The following CARD8 variants were observed in gnomAD, a reference collection of about 807,000 sequenced individuals.
The protein encoded by CARD8 is caspase recruitment domain-containing protein 8.
In CARD8, 38 loss-of-function variants were observed where a neutral mutation model predicts 53.2. The observed-to-expected ratio is 0.71, with a 90% CI of 0.55 to 0.94. The LOEUF (loss-of-function observed/expected upper bound fraction) is 0.94. Among genes scored for constraint, CARD8 ranks in the 40% least tolerant of loss-of-function variants. The pLI, the probability that CARD8 is intolerant of heterozygous loss-of-function variation, is 0.00. For missense variants in CARD8, 561 were observed against 655.5 expected (o/e 0.86, Z 1.57); for synonymous variants, 245 against 244.9 (o/e 1.00, Z 0.00).
intron 10 of CARD8, among the ~76,000 whole-genome samples, chr19:48,224,552 A>G (rs1360033206): frequency 6.6e-6 from 1 of 152,174 alleles, no homozygotes; most frequent in Non-Finnish European, 1.5e-5. Flanking sequence ...ATAGAGTTGA[A>G]CTGTGCTGCT....
At chr19:48,219,437 T>C (rs576649333) in intron 11 of CARD8, among the ~76,000 whole-genome samples, 2 of 152,118 alleles carry the variant, frequency 1.3e-5, no homozygotes, top group African/African-American at 4.8e-5. Context: ...TCCCTCTCTG[T>C]TTTGCACCCA....
At chr19:48,238,654 G>A (rs2044357195) in intron 4 of CARD8, 122 bp from the exon 5 acceptor site, 1 of 872,522 alleles carries the variant, frequency 1.1e-6, no homozygotes, top group African/African-American at 1.7e-5. Context: ...CCTTAGACAT[G>A]CCCATCCATA....
In CARD8 at chr19:48,211,887, C is replaced by T; in HGVS notation, c.1437G>A (p.Glu479=). The change falls in exon 14 of 14, where the codon GAG becomes GAA. Residue 479 remains glutamate (E), a synonymous_variant. Transcript: ENST00000651546. The part of the protein sequence containing the change: ...KGVLDDLQDN[E]VLTENEKELV... ...GCTCCTTCTCATTCTCAGTAAGAAC[C>T]TCATTGTCTTGGAGATCATCGAGCA... 6.2e-7 allele frequency: 1 copy of T among 1,614,148 alleles called. No homozygotes were observed.
At chr19:48,248,558 A>G (rs1393910487) in intron 3 of CARD8, among the ~76,000 whole-genome samples, 1 of 152,216 alleles carries the variant, frequency 6.6e-6, no homozygotes, top group Non-Finnish European at 1.5e-5. Flanking sequence ...CACCCACAAT[A>G]CTGATGGAAA....
rs1967213315 is a variant in CARD8 at position 48,255,849 on chromosome 19, G to A, written c.-309C>T. 1 of 152,200 alleles carries A rather than the reference G, an allele frequency of 6.6e-6. No homozygotes were observed. Among genetic ancestry groups the A allele is most frequent in the South Asian group, 2.1e-4 (1 of 4,830 alleles). 9.4% of individuals were successfully genotyped at this position (152,200 alleles called of 1,614,324 possible). Reference sequence around the variant, plus strand: ...GACTTTAGGGTAGGACGGGCCAAATGGGAGAATCCCCTTAGGTCGGTTTCT... The same window carrying A: ...GACTTTAGGGTAGGACGGGCCAAATAGGAGAATCCCCTTAGGTCGGTTTCT... On this transcript the variant is annotated 5_prime_UTR_variant, in exon 1 of 14. Coordinates refer to ENST00000651546, the MANE Select transcript of CARD8 (RefSeq NM_001184900.3).
intron 10 of CARD8, among the ~76,000 whole-genome samples, 179 bp from the exon 11 acceptor site, chr19:48,222,034 A>G (rs922859193): frequency 6.6e-6 from 1 of 152,234 alleles, no homozygotes; most frequent in Non-Finnish European, 1.5e-5. Flanking sequence ...ATATGAATGA[A>G]TATGTCTCTA....
At chr19:48,219,247 T>G (rs2040002540) in intron 11 of CARD8, among the ~76,000 whole-genome samples, 1 of 152,158 alleles carries the variant, frequency 6.6e-6, no homozygotes, top group Non-Finnish European at 1.5e-5. Context: ...AGAGAAAAAC[T>G]ATCTGAGCTA....
At position 48,232,009 on chromosome 19, in the gene CARD8, G is replaced by GTA. The variant is rs1568810738; in HGVS notation, c.392-201_392-200dup. The GTA allele has an allele frequency of 6.0e-6, 4 of 670,690 alleles. No homozygotes were observed. The East Asian group carries it at 1.1e-4, about 19-fold the overall frequency. The allele number at this position is 670,690 out of a possible 1,614,324, so 41.5% of individuals were successfully genotyped here. On this transcript the variant is annotated intron_variant, in intron 7 of 13. Transcript: ENST00000651546. ...AGAATGTTCCTTGTCATGACTAAAC[G>GTA]TATACACCAAATTCCATAAGACTTT...
chr19:48,217,933 G>A (rs1482722921), intron 12 of CARD8, among the ~76,000 whole-genome samples: 1 of 152,148 alleles, frequency 6.6e-6, no homozygotes, highest in Admixed American at 6.5e-5. Flanking sequence ...ATGACACCCC[G>A]AAAATGAAAA....
intron 13 of CARD8, among the ~76,000 whole-genome samples, chr19:48,214,242 G>A (rs930827281): frequency 6.6e-6 from 1 of 152,300 alleles, no homozygotes; most frequent in Middle Eastern, 3.4e-3. Flanking sequence ...TATGAGCAGG[G>A]CAGGAGAGGA....
intron 10 of CARD8, among the ~76,000 whole-genome samples, chr19:48,229,834 CA>C: frequency 6.6e-6 from 1 of 152,254 alleles, no homozygotes; most frequent in East Asian, 1.9e-4. Flanking sequence ...GGTGAGAGGC[CA>C]GGGGTGGTGG....
At chr19:48,206,142 C>G (rs536190842), downstream of CARD8, among the ~76,000 whole-genome samples, 4 of 152,272 alleles carry the variant, frequency 2.6e-5, no homozygotes, top group Admixed American at 2.6e-4. Flanking sequence ...AAGTGATCCA[C>G]CCGCCTCAGC....
At chr19:48,249,177 A>G (rs1269277104) in intron 3 of CARD8, among the ~76,000 whole-genome samples, 1 of 152,112 alleles carries the variant, frequency 6.6e-6, no homozygotes, top group Admixed American at 6.6e-5. Context: ...AGCCTGGATG[A>G]CAGAACGAGA....
intron 12 of CARD8, 135 bp downstream of exon 12, chr19:48,218,736 G>T: frequency 1.1e-6 from 1 of 924,422 alleles, no homozygotes; most frequent in Non-Finnish European, 1.7e-6. Flanking sequence ...CTGTGTCCAT[G>T]TGTTTTAACA....
intron 3 of CARD8, among the ~76,000 whole-genome samples, chr19:48,246,427 G>C (rs2046116747): frequency 6.6e-6 from 1 of 152,140 alleles, no homozygotes; most frequent in African/African-American, 2.4e-5. Flanking sequence ...TGGAAACTAT[G>C]TGTGTTTACA....
At chr19:48,213,853 T>C (rs982139428) in intron 13 of CARD8, among the ~76,000 whole-genome samples, 2 of 152,190 alleles carry the variant, frequency 1.3e-5, no homozygotes, top group African/African-American at 2.4e-5. Context: ...AGCCAACACA[T>C]TGTTATCCAT....
At chr19:48,251,907 C>T (rs1001727021) in intron 1 of CARD8, among the ~76,000 whole-genome samples, 1 of 152,138 alleles carries the variant, frequency 6.6e-6, no homozygotes, top group African/African-American at 2.4e-5. Flanking sequence ...CTCCTGAACA[C>T]AGAGCCACCC....
chr19:48,235,056 T>C (rs2043632526), intron 5 of CARD8, among the ~76,000 whole-genome samples: 1 of 151,954 alleles, frequency 6.6e-6, no homozygotes, highest in Non-Finnish European at 1.5e-5. Flanking sequence ...TGCCTGCAAA[T>C]GGTGAGAGGG....
At chr19:48,246,856 T>C (rs1341005246) in intron 3 of CARD8, among the ~76,000 whole-genome samples, 1 of 152,202 alleles carries the variant, frequency 6.6e-6, no homozygotes, top group Non-Finnish European at 1.5e-5. Flanking sequence ...CTGATGGGAG[T>C]GTCACCTGCT....
Sources: gnomAD v4.1 joint callset for allele counts (sites outside exome capture counted in the v4.1 genomes callset) on GRCh38, gnomAD v4.1.1 for gene constraint, MANE v1.5 for transcripts, NCBI Gene and HGNC (gene_info 2026-07-23, HGNC 2026-07-21) for gene names.